The following KCNH5 variants were observed in gnomAD, a reference collection of about 807,000 sequenced individuals.
KCNH5 encodes voltage-gated delayed rectifier potassium channel KCNH5.
A neutral mutation model predicts 96.1 loss-of-function variants in KCNH5; 46 were observed. The observed-to-expected ratio is 0.48, with a 90% CI of 0.38 to 0.61. The LOEUF (loss-of-function observed/expected upper bound fraction) is 0.61. KCNH5 is among the 20% of genes least tolerant of loss of function. The pLI, the probability that KCNH5 is intolerant of heterozygous loss-of-function variation, is 0.00. For synonymous variants in KCNH5, 439 were observed against 449.8 expected, an observed-to-expected ratio of 0.98 and a Z score of 0.30; for missense variants, 907 against 1,225.8, an observed-to-expected ratio of 0.74 and a Z score of 3.88.
intron 7 of KCNH5, among the ~76,000 whole-genome samples, chr14:62,918,705 A>C (rs1889323039): frequency 6.6e-6 from 1 of 152,142 alleles, no homozygotes; most frequent in Non-Finnish European, 1.5e-5. Context: ...AGGTATTTTT[A>C]AATGGGCAAA....
rs376725359 is a variant in KCNH5 at position 62,752,113 on chromosome 14, C to T, written c.2019+27615G>A. Among the ~76,000 whole-genome samples the T allele has an allele frequency of 2.3e-4, 35 of 152,228 alleles. No individual in the cohort carries two copies. The East Asian group carries it at 3.9e-3, about 17-fold the overall frequency. On this transcript the variant is annotated intron_variant, in intron 10 of 10. Coordinates refer to ENST00000322893, the MANE Select transcript of KCNH5 (RefSeq NM_139318.5). ...CTCTCCTCCCCAAGTCCTGATTGCC[C>T]CTTTGATAGTTCCACTTTGGGTCTT...
chr14:62,897,970 T>C (rs1595675212), intron 7 of KCNH5, among the ~76,000 whole-genome samples: 3 of 152,288 alleles, frequency 2.0e-5, no homozygotes, highest in East Asian at 3.9e-4. Flanking sequence ...TGTGAAAATT[T>C]CTCATTTAAT....
In KCNH5 at chr14:62,932,861, C is replaced by T. The variant is rs74058722; in HGVS notation, c.1369+17272G>A. 6.7e-3 allele frequency among the ~76,000 whole-genome samples: 1,018 copies of T among 152,220 alleles called. 14 individuals are homozygous for T. The highest frequency in any genetic ancestry group is 0.023 in the African/African-American group (975 of 41,554). On this transcript the variant is annotated intron_variant, in intron 7 of 10. Coordinates refer to ENST00000322893, the MANE Select transcript of KCNH5 (RefSeq NM_139318.5). Reference sequence around the variant, plus strand: ...AAATTTTCATAAAATTATTTCTAACCTTTAAATCTCTACCCAGACAAGCTA... The same window carrying T: ...AAATTTTCATAAAATTATTTCTAACTTTTAAATCTCTACCCAGACAAGCTA...
intron 7 of KCNH5, among the ~76,000 whole-genome samples, chr14:62,865,878 G>C (rs1888125445): frequency 6.6e-6 from 1 of 151,996 alleles, no homozygotes; most frequent in African/African-American, 2.4e-5. Flanking sequence ...ATATATGATG[G>C]GGTACTTCAC....
chr14:62,889,536 G>A (rs529186610), intron 7 of KCNH5, among the ~76,000 whole-genome samples: 153 of 152,340 alleles, frequency 1.0e-3, no homozygotes, highest in Non-Finnish European at 1.8e-3. Flanking sequence ...AGCAGCCGAT[G>A]AGCACATTAA....
intron 7 of KCNH5, among the ~76,000 whole-genome samples, chr14:62,863,695 T>C (rs1423182851): frequency 6.6e-6 from 1 of 152,168 alleles, no homozygotes; most frequent in Non-Finnish European, 1.5e-5. Context: ...TGAAATTTTA[T>C]ATGCTATATA....
intron 8 of KCNH5, among the ~76,000 whole-genome samples, chr14:62,837,536 A>G (rs1175640654): frequency 6.6e-6 from 1 of 152,218 alleles, no homozygotes; most frequent in African/African-American, 2.4e-5. Context: ...ATTTTATTAC[A>G]TAGTAAATAA....
At position 62,779,921 on chromosome 14, in the gene KCNH5, T is replaced by C; in HGVS notation, c.1826A>G (p.Lys609Arg). The C allele has an allele frequency of 6.2e-7, 1 of 1,611,206 alleles. No homozygotes were observed. ...QDDEVVAILG[K>R]GDVFGDIFWK... is the part of the protein sequence containing the mutation. ...GAAGATGTCTCCAAATACATCACCC[T>C]TCCCTAGAAAACAGTATAAGATACA... Residue 609 changes from lysine to arginine, a missense_variant, in exon 10 of 11, where the codon AAG becomes AGG. Lys to Arg is a conservative substitution (Grantham distance 26). Coordinates refer to ENST00000322893, the MANE Select transcript of KCNH5 (RefSeq NM_139318.5).
chr14:62,801,946 A>G (rs1013845718), intron 9 of KCNH5, among the ~76,000 whole-genome samples: 33 of 152,254 alleles, frequency 2.2e-4, no homozygotes, highest in African/African-American at 7.9e-4. Flanking sequence ...CTCTCTAAAG[A>G]AAAGGGTTGA....
At chr14:62,935,491 G>C (rs996552543) in intron 7 of KCNH5, among the ~76,000 whole-genome samples, 2 of 152,104 alleles carry the variant, frequency 1.3e-5, no homozygotes, top group Non-Finnish European at 2.9e-5. Context: ...GGAGGAAAAA[G>C]GTCTCATGGC....
intron 7 of KCNH5, among the ~76,000 whole-genome samples, chr14:62,884,511 A>G (rs1888557013): frequency 6.6e-6 from 1 of 152,192 alleles, no homozygotes; most frequent in Non-Finnish European, 1.5e-5. Flanking sequence ...CTGTCATCTC[A>G]GCAACTTGAG....
intron 10 of KCNH5, among the ~76,000 whole-genome samples, chr14:62,735,487 C>T (rs1382755604): frequency 4.6e-5 from 7 of 152,142 alleles, no homozygotes; most frequent in Non-Finnish European, 2.9e-5. Flanking sequence ...CAAACATGGG[C>T]TTGTTATCAT....
At chr14:62,752,562 A>G (rs1334239679) in intron 10 of KCNH5, among the ~76,000 whole-genome samples, 1 of 152,072 alleles carries the variant, frequency 6.6e-6, no homozygotes, top group Non-Finnish European at 1.5e-5. Context: ...AAAACATTGG[A>G]GGTACCCTGG....
At chr14:62,742,526 C>T (rs1885292250) in intron 10 of KCNH5, among the ~76,000 whole-genome samples, 1 of 152,168 alleles carries the variant, frequency 6.6e-6, no homozygotes, top group South Asian at 2.1e-4. Context: ...CTGTCCCAAA[C>T]TAATTTAAAT....
chr14:62,720,815 C>G (rs1184779965), intron 10 of KCNH5, among the ~76,000 whole-genome samples: 2 of 152,186 alleles, frequency 1.3e-5, no homozygotes, highest in African/African-American at 4.8e-5. Flanking sequence ...AAGATGGTAC[C>G]TGGAATGGTG....
intron 7 of KCNH5, among the ~76,000 whole-genome samples, chr14:62,877,133 C>T (rs919571336): frequency 9.2e-5 from 14 of 152,138 alleles, no homozygotes; most frequent in South Asian, 4.2e-4. Context: ...GGAAAACTGG[C>T]TAGCCATATG....
intron 7 of KCNH5, among the ~76,000 whole-genome samples, chr14:62,866,660 C>T (rs1297713462): frequency 6.6e-6 from 1 of 152,142 alleles, no homozygotes; most frequent in Non-Finnish European, 1.5e-5. Flanking sequence ...AGGCTGACAG[C>T]TGTCATTAAC....
intron 7 of KCNH5, among the ~76,000 whole-genome samples, chr14:62,857,857 T>G (rs573886624): frequency 1.3e-5 from 2 of 152,136 alleles, no homozygotes; most frequent in East Asian, 3.9e-4. Context: ...ACACTCATTA[T>G]TACCCATCAC....
intron 4 of KCNH5, among the ~76,000 whole-genome samples, chr14:62,998,159 A>C (rs1442097261): frequency 6.6e-6 from 1 of 152,152 alleles, no homozygotes; most frequent in Non-Finnish European, 1.5e-5. Flanking sequence ...AATTTTTTAA[A>C]TAAATAAAGC....
Sources: allele counts gnomAD v4.1 joint callset (sites outside exome capture counted in the v4.1 genomes callset), GRCh38; gene constraint gnomAD v4.1.1; transcripts MANE v1.5; gene names NCBI Gene and HGNC (gene_info 2026-07-23, HGNC 2026-07-21).